The following PTPRG variants were observed in gnomAD, a reference collection of about 807,000 sequenced individuals.
PTPRG encodes protein tyrosine phosphatase receptor type G.
In PTPRG, 102 loss-of-function variants were observed where a neutral mutation model predicts 165.3. That is an observed-to-expected ratio of 0.62 (90% CI 0.53 to 0.73). PTPRG has a LOEUF of 0.73. Among genes scored for constraint, PTPRG ranks in the 30% least tolerant of loss-of-function variants. PTPRG has a pLI of 0.00. For missense variants in PTPRG, 1,866 were observed against 1,861.4 expected (o/e 1.00, Z -0.05); for synonymous variants, 675 against 669.5 (o/e 1.01, Z -0.13).
At chr3:61,661,870 A>C (rs769915805) in intron 1 of PTPRG, among the ~76,000 whole-genome samples, 15 of 152,166 alleles carry the variant, frequency 9.9e-5, no homozygotes, top group Admixed American at 9.2e-4. Context: ...CACCACCACC[A>C]CCCAATCCCT....
rs1468905115 is a variant in PTPRG at position 62,132,530 on chromosome 3, A to G, written c.616-72A>G. ...ACATTCTATTCTCCCCCTTCTCTTT[A>G]GAAGATTAAACTGAGACTGTTGTGC... On this transcript the variant is annotated intron_variant, in intron 5 of 29. Coordinates refer to ENST00000474889, the MANE Select transcript of PTPRG (RefSeq NM_002841.4). 3.3e-6 allele frequency: 4 copies of G among 1,217,900 alleles called. No individual in the cohort carries two copies. In the East Asian group the frequency reaches 9.3e-5, roughly 28 times the overall value. The allele number at this position is 1,217,900 out of a possible 1,614,324, so 75.4% of individuals were successfully genotyped here.
At chr3:61,865,799 G>A (rs561214209) in intron 2 of PTPRG, among the ~76,000 whole-genome samples, 1 of 152,286 alleles carries the variant, frequency 6.6e-6, no homozygotes, top group South Asian at 2.1e-4. Context: ...CACAGCCGGA[G>A]CAACCCCAGA....
intron 5 of PTPRG, among the ~76,000 whole-genome samples, chr3:62,101,878 C>G (rs935341074): frequency 3.3e-5 from 5 of 152,194 alleles, no homozygotes; most frequent in Non-Finnish European, 5.9e-5. Flanking sequence ...GTATGTAACT[C>G]TGCCCATTTT....
chr3:61,947,807 A>T (rs2039799288), intron 2 of PTPRG, among the ~76,000 whole-genome samples: 1 of 152,228 alleles, frequency 6.6e-6, no homozygotes, highest in Non-Finnish European at 1.5e-5. Flanking sequence ...TCCTTGGACC[A>T]GTCACCGCAT....
chr3:61,742,408 T>A, intron 1 of PTPRG: 1 of 1,197,950 alleles, frequency 8.3e-7, no homozygotes, highest in Non-Finnish European at 1.1e-6. Context: ...CTGGAATTTT[T>A]TTTTTTTTTT....
intron 1 of PTPRG, among the ~76,000 whole-genome samples, chr3:61,722,186 G>A (rs184304852): frequency 3.8e-4 from 58 of 151,726 alleles, no homozygotes; most frequent in African/African-American, 1.3e-3. Flanking sequence ...CTTCCATAGC[G>A]AAAGGTGGAA....
At chr3:61,823,411 A>G (rs2036012460) in intron 2 of PTPRG, among the ~76,000 whole-genome samples, 1 of 152,112 alleles carries the variant, frequency 6.6e-6, no homozygotes, top group African/African-American at 2.4e-5. Context: ...GATGGTCTCA[A>G]TCTCCTGACC....
intron 1 of PTPRG, among the ~76,000 whole-genome samples, chr3:61,672,273 C>T (rs543083393): frequency 1.9e-4 from 25 of 130,758 alleles, no homozygotes; most frequent in Non-Finnish European, 3.9e-4. Context: ...ACATCCCAGA[C>T]GATGGGCGGC....
intron 2 of PTPRG, among the ~76,000 whole-genome samples, chr3:61,841,658 G>A (rs1011094511): frequency 6.6e-6 from 1 of 151,920 alleles, no homozygotes; most frequent in Non-Finnish European, 1.5e-5. Context: ...GAACAGTCAT[G>A]TGCTTCTGTC....
At chr3:61,703,314 G>A (rs918251126) in intron 1 of PTPRG, among the ~76,000 whole-genome samples, 1 of 152,176 alleles carries the variant, frequency 6.6e-6, no homozygotes, top group African/African-American at 2.4e-5. Flanking sequence ...TCAGAAGAAT[G>A]CATCTTATCA....
intron 2 of PTPRG, among the ~76,000 whole-genome samples, chr3:61,941,711 C>T (rs978333365): frequency 3.9e-5 from 6 of 152,198 alleles, no homozygotes; most frequent in Non-Finnish European, 7.3e-5. Context: ...GATCAATAGT[C>T]TCCCTCCAAC....
intron 1 of PTPRG, 88 bp downstream of exon 1, chr3:61,562,460 C>A (rs573053022): frequency 1.6e-5 from 21 of 1,284,194 alleles, no homozygotes; most frequent in Non-Finnish European, 1.9e-5. Flanking sequence ...CTCCGGCGCC[C>A]GTCCGGGAGA....
At chr3:61,687,859 T>C (rs543837114) in intron 1 of PTPRG, among the ~76,000 whole-genome samples, 1 of 152,344 alleles carries the variant, frequency 6.6e-6, no homozygotes, top group South Asian at 2.1e-4. Flanking sequence ...TATGACTTTT[T>C]TTTGTTTCCA....
chr3:61,562,308 G>A lies in PTPRG; in HGVS notation c.21G>A (p.Pro7=), dbSNP rs1422650252. 8 of 1,613,600 alleles carry A rather than the reference G, an allele frequency of 5.0e-6. No individual in the cohort carries two copies. Among genetic ancestry groups the A allele is most frequent in the Admixed American group, 1.7e-5 (1 of 59,998 alleles). ...CGGACATGCGGAGGTTACTGGAACC[G>A]TGTTGGTGGATTTTGTTCCTGAAAA... MRRLLE[P]CWWILFLKIT... is the part of the protein sequence containing the mutation. The change falls in exon 1 of 30, where the codon CCG becomes CCA. Residue 7 remains proline (P), a synonymous_variant. Coordinates refer to ENST00000474889, the MANE Select transcript of PTPRG (RefSeq NM_002841.4).
chr3:61,742,925 T>G, intron 1 of PTPRG: 1 of 1,469,574 alleles, frequency 6.8e-7, no homozygotes. Flanking sequence ...ACACACAACT[T>G]AGGGCGGGGA....
chr3:61,983,563 T>G (rs943529613), intron 2 of PTPRG, among the ~76,000 whole-genome samples: 3 of 152,126 alleles, frequency 2.0e-5, no homozygotes, highest in Admixed American at 1.3e-4. Flanking sequence ...ATAGGAACCA[T>G]TATTTGGATC....
At chr3:62,281,869 T>C (rs1163775928) in intron 27 of PTPRG, among the ~76,000 whole-genome samples, 160 bp downstream of exon 27, 1 of 151,980 alleles carries the variant, frequency 6.6e-6, no homozygotes, top group African/African-American at 2.4e-5. Context: ...CCTTCAAATA[T>C]TTGCTTTTTC....
chr3:61,651,920 G>A (rs372389544), intron 1 of PTPRG, among the ~76,000 whole-genome samples: 19 of 152,152 alleles, frequency 1.2e-4, no homozygotes, highest in East Asian at 1.2e-3. Flanking sequence ...TGAGGCAGGA[G>A]AATCACTTGA....
At position 62,273,719 on chromosome 3, in the gene PTPRG, G is replaced by A. The variant is rs776496028; in HGVS notation, c.3340G>A (p.Asp1114Asn). ...TTAGGAGCAGTACATTTTCATCCAT[G>A]ATGCCTTGTTGGAAGCCATTCTTGG... ...QTEEQYIFIH[D>N]ALLEAILGKE... The change falls in exon 23 of 30, where the codon GAT (aspartate) becomes AAT (asparagine). Residue 1114 changes from aspartate (D) to asparagine (N), a missense_variant. Coordinates refer to ENST00000474889, the MANE Select transcript of PTPRG (RefSeq NM_002841.4). The surrounding 1 kb of genome is among the most constrained non-coding windows in gnomAD (Gnocchi z 4.1). 6.2e-6 allele frequency: 10 copies of A among 1,613,556 alleles called. No individual in the cohort carries two copies. The Middle Eastern group carries it at 4.9e-4, about 80-fold the overall frequency.
Sources: allele counts gnomAD v4.1 joint callset (sites outside exome capture counted in the v4.1 genomes callset), GRCh38; gene constraint gnomAD v4.1.1; non-coding constraint Gnocchi (gnomAD v3.1); transcripts MANE v1.5; gene names NCBI Gene and HGNC (gene_info 2026-07-23, HGNC 2026-07-21).